The following GABRG3 variants were observed in gnomAD, a reference collection of about 807,000 sequenced individuals.
GABRG3 encodes the protein gamma-aminobutyric acid receptor subunit gamma-3.
Under a neutral mutation model 48.8 loss-of-function variants are expected in GABRG3, and 25 were observed. The observed-to-expected ratio is 0.51, with a 90% CI of 0.37 to 0.72. The LOEUF (loss-of-function observed/expected upper bound fraction) is 0.72. GABRG3 is among the 30% of genes least tolerant of loss of function. GABRG3 has a pLI of 0.00. For missense variants in GABRG3, 394 were observed against 577.9 expected (o/e 0.68, Z 3.26); for synonymous variants, 227 against 217.6 (o/e 1.04, Z -0.38).
At chr15:27,186,245 A>G (rs2140419502) in intron 3 of GABRG3, among the ~76,000 whole-genome samples, 1 of 152,198 alleles carries the variant, frequency 6.6e-6, no homozygotes, top group African/African-American at 2.4e-5. Flanking sequence ...TCTTACTTAT[A>G]TGTAAGAACA....
At chr15:27,212,905 T>G (rs576199877) in intron 3 of GABRG3, among the ~76,000 whole-genome samples, 1 of 152,364 alleles carries the variant, frequency 6.6e-6, no homozygotes, top group African/African-American at 2.4e-5. Flanking sequence ...GTTGCATGTG[T>G]CAGAAGGTTC....
At chr15:27,349,965 A>AAG (rs1482413635) in intron 5 of GABRG3, among the ~76,000 whole-genome samples, 1 of 150,666 alleles carries the variant, frequency 6.6e-6, no homozygotes, top group African/African-American at 2.5e-5. Flanking sequence ...CAATAACAAA[A>AAG]AAAAACCTAA....
chr15:27,342,588 G>T (rs1894221712), intron 5 of GABRG3, among the ~76,000 whole-genome samples: 1 of 152,256 alleles, frequency 6.6e-6, no homozygotes, highest in Non-Finnish European at 1.5e-5. Flanking sequence ...AGGGTTCGCA[G>T]ATTCTCAGGG....
At chr15:27,385,177 A>C (rs1375412709) in intron 5 of GABRG3, among the ~76,000 whole-genome samples, 4 of 85,880 alleles carry the variant, frequency 4.7e-5, no homozygotes, top group African/African-American at 1.9e-4. Flanking sequence ...CTTTCTCAGG[A>C]GCTTGCTTCT....
intron 3 of GABRG3, among the ~76,000 whole-genome samples, chr15:27,286,955 C>T (rs914267171): frequency 6.6e-6 from 1 of 152,108 alleles, no homozygotes; most frequent in Admixed American, 6.6e-5. Context: ...TGAAGTGATC[C>T]GTGGCTCCAT....
At chr15:27,454,899 C>A (rs1889218314) in intron 5 of GABRG3, among the ~76,000 whole-genome samples, 1 of 152,184 alleles carries the variant, frequency 6.6e-6, no homozygotes, top group Non-Finnish European at 1.5e-5. Context: ...TGTACCAAAT[C>A]TTGTATGAAC....
intron 5 of GABRG3, among the ~76,000 whole-genome samples, chr15:27,348,123 T>C (rs964787660): frequency 1.4e-4 from 18 of 127,956 alleles, no homozygotes; most frequent in Non-Finnish European, 2.0e-4. Flanking sequence ...GCCATTGCAC[T>C]CCAGCCTGGG....
At chr15:27,206,641 C>T (rs1488482388) in intron 3 of GABRG3, among the ~76,000 whole-genome samples, 1 of 151,960 alleles carries the variant, frequency 6.6e-6, no homozygotes, top group African/African-American at 2.4e-5. Flanking sequence ...TAATACTGTC[C>T]GTTGGGGGTT....
chr15:27,477,970 C>T (rs1002973928), intron 5 of GABRG3, among the ~76,000 whole-genome samples: 3 of 151,236 alleles, frequency 2.0e-5, no homozygotes, highest in Admixed American at 6.6e-5. Context: ...GGCGTGAACC[C>T]GGAGGCGGAG....
At chr15:26,989,725 ATTCT>A (rs1350160458) in intron 2 of GABRG3, among the ~76,000 whole-genome samples, 2 of 152,024 alleles carry the variant, frequency 1.3e-5, no homozygotes, top group Non-Finnish European at 1.5e-5. Flanking sequence ...GGTCTTGTTC[ATTCT>A]TTCTAACTAT....
Position 27,306,620 on chromosome 15 carries a change from T to TA in GABRG3, c.271-20188dup, listed in dbSNP as rs1566768549. Among the ~76,000 whole-genome samples, 251 of 121,124 alleles carry TA rather than the reference T, an allele frequency of 2.1e-3. 10 individuals carry two copies. Among genetic ancestry groups the TA allele is most frequent in the African/African-American group, 8.7e-3 (243 of 28,084 alleles). 79.5% of individuals were successfully genotyped at this position (121,124 alleles called of 152,430 possible). The stretch of plus-strand genomic sequence containing the variant: ...AAACATATGTTTATATATAAACATA[T>TA]ATAATATAAACATATATTTATATAT... On this transcript the variant is annotated intron_variant, in intron 3 of 9. Coordinates refer to ENST00000615808, the MANE Select transcript of GABRG3 (RefSeq NM_033223.5).
intron 3 of GABRG3, among the ~76,000 whole-genome samples, chr15:27,041,660 A>G (rs1896278822): frequency 6.6e-6 from 1 of 152,210 alleles, no homozygotes; most frequent in Non-Finnish European, 1.5e-5. Flanking sequence ...TTCATGTACT[A>G]CATTTGCCAA....
intron 3 of GABRG3, among the ~76,000 whole-genome samples, chr15:27,321,805 G>A (rs182772622): frequency 6.6e-6 from 1 of 152,332 alleles, no homozygotes; most frequent in African/African-American, 2.4e-5. Context: ...AAAAGTGTGA[G>A]GAAATAGTTT....
intron 3 of GABRG3, among the ~76,000 whole-genome samples, chr15:27,079,777 C>T (rs758279118): frequency 2.0e-5 from 3 of 152,188 alleles, no homozygotes; most frequent in African/African-American, 4.8e-5. Context: ...CAAAACAGCT[C>T]TGAAAACTGG....
chr15:27,490,407 G>A (rs73369529), intron 6 of GABRG3, among the ~76,000 whole-genome samples: 18,128 of 152,128 alleles, frequency 0.12, 1,715 homozygotes, highest in East Asian at 0.45. Flanking sequence ...CCCCTGGGGA[G>A]TCAGGAGCTT....
intron 3 of GABRG3, among the ~76,000 whole-genome samples, chr15:27,190,368 G>T (rs1566959577): frequency 6.6e-6 from 1 of 152,070 alleles, no homozygotes; most frequent in Admixed American, 6.5e-5. Context: ...GACTCTTTTT[G>T]GTTGGTAAGC....
rs181392721 is a variant in GABRG3, at chr15:27,332,490, C to T, written c.574+3602C>T. 2.2e-4 allele frequency among the ~76,000 whole-genome samples: 33 copies of T among 151,958 alleles called. 1 individual carries two copies. The highest frequency in any genetic ancestry group is 2.6e-4 in the Admixed American group (4 of 15,258). ...CAGAGGTTGCAGTGAGCCGAGATCACGCCACTGCACTCCAGCCTGGGCAAC... is the reference window on the plus strand; with the variant it reads ...CAGAGGTTGCAGTGAGCCGAGATCATGCCACTGCACTCCAGCCTGGGCAAC... On this transcript the variant is annotated intron_variant, in intron 5 of 9. Transcript: ENST00000615808.
intron 3 of GABRG3, among the ~76,000 whole-genome samples, chr15:27,175,041 A>G (rs2140413278): frequency 6.6e-6 from 1 of 152,248 alleles, no homozygotes; most frequent in South Asian, 2.1e-4. Flanking sequence ...ATTGGCCCCT[A>G]ATCCTGTGTC....
intron 3 of GABRG3, among the ~76,000 whole-genome samples, chr15:27,256,353 A>C (rs1890615636): frequency 6.6e-6 from 1 of 151,608 alleles, no homozygotes; most frequent in African/African-American, 2.4e-5. Flanking sequence ...AGGCAGGAGA[A>C]TGGCGTGAAC....
Sources: gnomAD v4.1 joint callset for allele counts (sites outside exome capture counted in the v4.1 genomes callset) on GRCh38, gnomAD v4.1.1 for gene constraint, MANE v1.5 for transcripts, NCBI Gene and HGNC (gene_info 2026-07-23, HGNC 2026-07-21) for gene names.